Variants in PTPN5 observed in about 807,000 individuals in gnomAD.
PTPN5 encodes the protein tyrosine-protein phosphatase non-receptor type 5.
A neutral mutation model predicts 73.9 loss-of-function variants in PTPN5; 29 were observed. The ratio of observed to expected loss-of-function variants is 0.39; its 90% CI spans 0.29 to 0.54. The LOEUF is 0.54. Among genes scored for constraint, PTPN5 ranks in the 20% least tolerant of loss-of-function variants. The pLI, the probability that PTPN5 is intolerant of heterozygous loss-of-function variation, is 0.65. For synonymous variants in PTPN5, 267 were observed against 304.7 expected (o/e 0.88, Z 1.29); for missense variants, 652 against 751.4 (o/e 0.87, Z 1.55).
In PTPN5 at chr11:18,729,744, G is replaced by C. The variant is rs547272581; in HGVS notation, c.1404C>G (p.Ala468=). The C allele has an allele frequency of 2.2e-5, 36 of 1,607,158 alleles. No individual in the cohort carries two copies. In the South Asian group the frequency reaches 3.0e-4, roughly 13 times the overall value. The change falls in exon 13 of 15, where the codon GCC becomes GCG. Residue 468 remains alanine, a synonymous_variant. Transcript: ENST00000358540. This position sits in a 1 kb window ranked among gnomAD's most constrained non-coding sequence, Gnocchi z 5.2. ...SWPDQKTPDR[A]PPLLHLVREV... ...CCCGCACCAGGTGCAGGAGTGGGGG[G>C]GCCCGGTCTGGGGTCTTCTGGTCGG...
chr11:18,771,617 C>T (rs562758551), intron 2 of PTPN5, among the ~76,000 whole-genome samples: 5 of 152,328 alleles, frequency 3.3e-5, no homozygotes, highest in South Asian at 2.1e-4. Context: ...TGTTGATGTA[C>T]ACCTTAAAGG....
intron 2 of PTPN5, among the ~76,000 whole-genome samples, chr11:18,769,695 C>T (rs138548189): frequency 3.3e-4 from 51 of 152,294 alleles, no homozygotes; most frequent in Non-Finnish European, 5.3e-4. Context: ...TGAGCCACCG[C>T]GCCCGGCCAG....
At chr11:18,739,156 T>C (rs1218674349) in intron 8 of PTPN5, among the ~76,000 whole-genome samples, 1 of 152,036 alleles carries the variant, frequency 6.6e-6, no homozygotes, top group Non-Finnish European at 1.5e-5. Flanking sequence ...CTTTGTAAAA[T>C]GAGGATCATC....
chr11:18,733,094 C>A lies in PTPN5; in HGVS notation c.1218+141G>T. The A allele has an allele frequency of 7.7e-7, 1 of 1,297,732 alleles. No individual in the cohort carries two copies. The highest frequency in any genetic ancestry group is 2.4e-5 in the East Asian group (1 of 42,256). 80.4% of individuals were successfully genotyped at this position (1,297,732 alleles called of 1,614,324 possible). ...CCCGGGGCAAATGACTTAACCTTAC[C>A]GAGCCTCACATCTCCTCATCTTGGC... On this transcript the variant is annotated intron_variant, in intron 11 of 14. Transcript: ENST00000358540. This position sits in a 1 kb window ranked among gnomAD's most constrained non-coding sequence, Gnocchi z 4.3.
At chr11:18,749,142 TGTCA>T (rs1849769351) in intron 3 of PTPN5, among the ~76,000 whole-genome samples, 1 of 152,246 alleles carries the variant, frequency 6.6e-6, no homozygotes, top group Non-Finnish European at 1.5e-5. Context: ...AGCCCTGTTT[TGTCA>T]GTGAGAGGCG....
intron 1 of PTPN5, among the ~76,000 whole-genome samples, chr11:18,787,690 T>C (rs1392623899): frequency 1.3e-5 from 2 of 152,142 alleles, no homozygotes; most frequent in African/African-American, 4.8e-5. Flanking sequence ...TCAAAGACAA[T>C]TCTATTTAAA....
chr11:18,778,248 TG>T (rs1851262037), intron 1 of PTPN5, among the ~76,000 whole-genome samples: 1 of 152,214 alleles, frequency 6.6e-6, no homozygotes, highest in African/African-American at 2.4e-5. Flanking sequence ...GACGAGCACA[TG>T]GCACGCTGTA....
chr11:18,730,893 A>G (rs953049373), intron 12 of PTPN5: 3 of 152,050 alleles, frequency 2.0e-5, no homozygotes, highest in Non-Finnish European at 4.4e-5. Flanking sequence ...CACACTCCAA[A>G]AGGTTTGTAG....
intron 1 of PTPN5, among the ~76,000 whole-genome samples, chr11:18,782,090 A>C (rs1051376208): frequency 6.6e-6 from 1 of 152,206 alleles, no homozygotes; most frequent in Admixed American, 6.5e-5. Context: ...CCTAAGACAC[A>C]CTAACTTTGA....
In PTPN5 at chr11:18,728,927, A is replaced by C; in HGVS notation, c.*7T>G. 1 of 1,611,840 alleles carries C rather than the reference A, an allele frequency of 6.2e-7. No homozygotes were observed. On this transcript the variant is annotated 3_prime_UTR_variant, in exon 15 of 15. Coordinates refer to ENST00000358540, the MANE Select transcript of PTPN5 (RefSeq NM_006906.2). This position sits in a 1 kb window ranked among gnomAD's most constrained non-coding sequence, Gnocchi z 4.1. ...AGTGCCCAGAGAACCTTGTAGGAGAAGCGCAGTCATTCTGGGGACTGGTGG... is the reference window on the plus strand; with the variant it reads ...AGTGCCCAGAGAACCTTGTAGGAGACGCGCAGTCATTCTGGGGACTGGTGG...
intron 3 of PTPN5, among the ~76,000 whole-genome samples, chr11:18,756,618 T>C (rs1438202082): frequency 1.3e-5 from 2 of 151,706 alleles, no homozygotes; most frequent in South Asian, 4.2e-4. Flanking sequence ...TTTAACCACT[T>C]GGAATTAAAA....
At chr11:18,765,732 C>G (rs1850613801) in intron 3 of PTPN5, 75 bp downstream of exon 3, 1 of 1,022,682 alleles carries the variant, frequency 9.8e-7, no homozygotes, top group Non-Finnish European at 1.5e-6. Flanking sequence ...AGGCTTTACT[C>G]CAGCCCCAGC....
intron 1 of PTPN5, among the ~76,000 whole-genome samples, chr11:18,778,929 T>A (rs549983339): frequency 6.6e-6 from 1 of 152,182 alleles, no homozygotes; most frequent in East Asian, 1.9e-4. Context: ...ATCCCTAGAC[T>A]TCCCTCATGC....
intron 3 of PTPN5, among the ~76,000 whole-genome samples, chr11:18,764,281 C>T (rs921214645): frequency 1.3e-5 from 2 of 152,186 alleles, no homozygotes; most frequent in South Asian, 4.1e-4. Context: ...AATTTCAATG[C>T]CTTGGGCTTA....
Position 18,742,558 on chromosome 11 carries a change from T to C in PTPN5, c.484-55A>G. 1 of 1,596,472 alleles carries C rather than the reference T, an allele frequency of 6.3e-7. No homozygotes were observed. On this transcript the variant is annotated intron_variant, in intron 6 of 14. Transcript: ENST00000358540. The surrounding 1 kb of genome is among the most constrained non-coding windows in gnomAD (Gnocchi z 4.1). ...CGGACCACGCTGGCTGCCCCCCGTG[T>C]TCCTGGAGTGCCCATGGGATTGACG... is the stretch of plus-strand genomic sequence containing the variant.
Position 18,744,196 on chromosome 11 carries a change from A to C in PTPN5, c.101T>G (p.Leu34Arg), listed in dbSNP as rs747348193. The part of the protein sequence containing the change: ...DMCCSERLPG[L>R]PQPIVMEALD... ...TGCCTCCATCACTATCGGCTGGGGG[A>C]GACCTGTGGAAGATGGGCCATGCGG... is the stretch of plus-strand genomic sequence containing the variant. The change falls in exon 4 of 15, where the codon CTC becomes CGC. Residue 34 changes from leucine to arginine, a missense_variant. This residue lies in a region of PTPN5 where 529 missense variants were observed against 573.9 expected (regional missense o/e 0.92). Coordinates refer to ENST00000358540, the MANE Select transcript of PTPN5 (RefSeq NM_006906.2). 3 of 1,542,800 alleles carry C rather than the reference A, an allele frequency of 1.9e-6. No individual in the cohort carries two copies. In the East Asian group the frequency reaches 7.3e-5, roughly 38 times the overall value.
intron 1 of PTPN5, among the ~76,000 whole-genome samples, chr11:18,787,305 T>C (rs1851715765): frequency 6.6e-6 from 1 of 150,868 alleles, no homozygotes; most frequent in South Asian, 2.2e-4. Context: ...CACACATAAA[T>C]GGTCATTTCC....
intron 3 of PTPN5, among the ~76,000 whole-genome samples, chr11:18,763,367 G>A (rs530555202): frequency 9.2e-5 from 14 of 152,378 alleles, no homozygotes; most frequent in African/African-American, 3.4e-4. Context: ...GCTACTGAGA[G>A]AGACTGCCTG....
At chr11:18,736,818 A>G (rs1849133659) in intron 9 of PTPN5, among the ~76,000 whole-genome samples, 2 of 152,158 alleles carry the variant, frequency 1.3e-5, no homozygotes, top group Admixed American at 1.3e-4. Flanking sequence ...AGCAGCCAGC[A>G]AAGTCCAAGG....
Sources: allele counts gnomAD v4.1 joint callset (sites outside exome capture counted in the v4.1 genomes callset), GRCh38; gene constraint gnomAD v4.1.1; regional missense constraint gnomAD v4.1.1; non-coding constraint Gnocchi (gnomAD v3.1); transcripts MANE v1.5; gene names NCBI Gene and HGNC (gene_info 2026-07-23, HGNC 2026-07-21).